DNAH11: variants seen among roughly 807,000 people sequenced by gnomAD.
DNAH11 encodes axonemal beta dynein heavy chain 11.
In DNAH11, 442 loss-of-function variants were observed where a neutral mutation model predicts 526.0. The observed-to-expected ratio is 0.84, with a 90% CI of 0.78 to 0.91. The LOEUF (loss-of-function observed/expected upper bound fraction) is 0.91. Among genes scored for constraint, DNAH11 ranks in the 40% least tolerant of loss-of-function variants. DNAH11 has a pLI of 0.00. For missense variants in DNAH11, 6,989 were observed against 5,448.7 expected, an observed-to-expected ratio of 1.28 and a Z score of -8.90; for synonymous variants, 2,461 against 1,935.9, an observed-to-expected ratio of 1.27 and a Z score of -7.12.
intron 18 of DNAH11, among the ~76,000 whole-genome samples, chr7:21,605,283 A>C (rs1364305901): frequency 1.3e-5 from 2 of 152,218 alleles, no homozygotes; most frequent in Non-Finnish European, 2.9e-5. Flanking sequence ...CTACAAGTAG[A>C]GTTCCATCAC....
chr7:21,679,162 A>T (rs1783036907), intron 30 of DNAH11, among the ~76,000 whole-genome samples: 4 of 152,180 alleles, frequency 2.6e-5, no homozygotes, highest in Admixed American at 2.6e-4. Flanking sequence ...ATACTGCATA[A>T]TCTCACTTAT....
chr7:21,705,311 T>G, intron 38 of DNAH11, 149 bp from the exon 39 acceptor site: 1 of 700,658 alleles, frequency 1.4e-6, no homozygotes, highest in South Asian at 1.9e-5. Flanking sequence ...TACTTTTCAC[T>G]TATGGTCTAT....
chr7:21,889,485 A>C (rs1402374521), intron 76 of DNAH11, among the ~76,000 whole-genome samples: 1 of 152,224 alleles, frequency 6.6e-6, no homozygotes, highest in Non-Finnish European at 1.5e-5. Context: ...TTTTTTAAAT[A>C]GTGGCTGCAC....
chr7:21,715,302 G>A (rs1312576331), intron 42 of DNAH11, among the ~76,000 whole-genome samples: 1 of 152,192 alleles, frequency 6.6e-6, no homozygotes, highest in Non-Finnish European at 1.5e-5. Context: ...TAGAAACCAC[G>A]CGGTTATAGA....
intron 54 of DNAH11, among the ~76,000 whole-genome samples, chr7:21,758,985 G>T (rs73069910): frequency 0.016 from 2,477 of 152,260 alleles, 38 homozygotes; most frequent in Middle Eastern, 0.041. Context: ...CGAATACGGG[G>T]CTATCCAGAA....
In DNAH11 at chr7:21,711,861, G is replaced by GT; in HGVS notation, c.6983+2dup. On this transcript the variant is annotated splice_donor_variant, in intron 42 of 81. Coordinates refer to ENST00000409508, the MANE Select transcript of DNAH11 (RefSeq NM_001277115.2). LOFTEE classifies it high-confidence loss of function. ...ACCCACAAGATCTGGGCTGGAATCC[G>GT]TGAGTATTTCTTTTTGTTTTATTGT... 6.2e-7 allele frequency: 1 copy of GT among 1,606,862 alleles called. No homozygotes were observed. Among genetic ancestry groups the GT allele is most frequent in the South Asian group, 1.1e-5 (1 of 90,284 alleles).
At chr7:21,832,006 T>C (rs1238745478) in intron 65 of DNAH11, among the ~76,000 whole-genome samples, 2 of 151,972 alleles carry the variant, frequency 1.3e-5, no homozygotes, top group East Asian at 3.9e-4. Flanking sequence ...AGGAGAATTG[T>C]TTGAACCCGG....
chr7:21,595,644 G>A (rs755680359), intron 14 of DNAH11, among the ~76,000 whole-genome samples: 15 of 152,092 alleles, frequency 9.9e-5, no homozygotes, highest in Non-Finnish European at 2.1e-4. Flanking sequence ...TTCAGTTTTG[G>A]GCATTTTGAA....
chr7:21,670,656 A>G (rs1409631229), intron 30 of DNAH11, among the ~76,000 whole-genome samples: 1 of 152,142 alleles, frequency 6.6e-6, no homozygotes, highest in African/African-American at 2.4e-5. Context: ...ATGTTAGTTG[A>G]ATGTTTCTTG....
intron 43 of DNAH11, among the ~76,000 whole-genome samples, chr7:21,720,157 C>G (rs1385143042): frequency 6.6e-6 from 1 of 152,198 alleles, no homozygotes; most frequent in Admixed American, 6.5e-5. Context: ...CAGGCTTAAG[C>G]TGCCAGTCCA....
chr7:21,898,398 G>T (rs1784608696), intron 79 of DNAH11, among the ~76,000 whole-genome samples: 1 of 152,150 alleles, frequency 6.6e-6, no homozygotes, highest in African/African-American at 2.4e-5. Flanking sequence ...CCAGAGTCAG[G>T]CAAGTATCTC....
chr7:21,866,865 T>TC (rs1383685571), intron 71 of DNAH11, among the ~76,000 whole-genome samples: 1 of 152,128 alleles, frequency 6.6e-6, no homozygotes, highest in Non-Finnish European at 1.5e-5. Context: ...AGCACATTCT[T>TC]CCCAAAAAAG....
chr7:21,606,833 G>C, intron 20 of DNAH11, 100 bp downstream of exon 20: 1 of 1,061,224 alleles, frequency 9.4e-7, no homozygotes, highest in South Asian at 1.5e-5. Flanking sequence ...TTGTTTTGCT[G>C]TTATAGGAAT....
intron 54 of DNAH11, among the ~76,000 whole-genome samples, chr7:21,755,621 T>C (rs1786596180): frequency 6.6e-6 from 1 of 152,176 alleles, no homozygotes; most frequent in African/African-American, 2.4e-5. Context: ...TTAATAATAT[T>C]GTCTGGAGAT....
chr7:21,613,367 T>C (rs1027344191), intron 20 of DNAH11, among the ~76,000 whole-genome samples: 1 of 152,180 alleles, frequency 6.6e-6, no homozygotes, highest in Non-Finnish European at 1.5e-5. Context: ...AGGGATGAAA[T>C]TAAGAAAAGG....
intron 54 of DNAH11, among the ~76,000 whole-genome samples, chr7:21,764,766 TA>T (rs1787097964): frequency 6.6e-6 from 1 of 152,206 alleles, no homozygotes. Flanking sequence ...GAAGTATATT[TA>T]GATTTAAATT....
intron 57 of DNAH11, among the ~76,000 whole-genome samples, chr7:21,784,188 C>A (rs79071328): frequency 6.6e-6 from 1 of 152,130 alleles, no homozygotes; most frequent in East Asian, 1.9e-4. Flanking sequence ...TTTCTTGGAG[C>A]ATTTTGGAAC....
At chr7:21,821,774 C>T (rs747711101) in intron 65 of DNAH11, among the ~76,000 whole-genome samples, 1 of 151,940 alleles carries the variant, frequency 6.6e-6, no homozygotes, top group South Asian at 2.1e-4. Context: ...CTATAACTTT[C>T]CTACTATTCT....
Position 21,748,751 on chromosome 7 carries a change from A to C in DNAH11, c.8673+9A>C. 1 of 1,611,504 alleles carries C rather than the reference A, an allele frequency of 6.2e-7. No homozygotes were observed. Among genetic ancestry groups the C allele is most frequent in the Non-Finnish European group, 8.5e-7 (1 of 1,178,490 alleles). ...GAATCCAGGAACTTCGGGTGAGTCA[A>C]GGGGACAGGCAGTTCTTCTGACCCT... On this transcript the variant is annotated intron_variant, in intron 52 of 81. Coordinates refer to ENST00000409508, the MANE Select transcript of DNAH11 (RefSeq NM_001277115.2).
Sources: allele counts gnomAD v4.1 joint callset (sites outside exome capture counted in the v4.1 genomes callset), GRCh38; gene constraint gnomAD v4.1.1; transcripts MANE v1.5; gene names NCBI Gene and HGNC (gene_info 2026-07-23, HGNC 2026-07-21).